Variants in BBS9 observed in about 807,000 individuals in gnomAD.
The protein encoded by BBS9 is Bardet-Biedl syndrome 9, also known as protein PTHB1.
BBS9 carries 89 observed loss-of-function variants against 117.7 expected under a neutral mutation model. The ratio of observed to expected loss-of-function variants is 0.76; its 90% CI spans 0.64 to 0.90. BBS9 has a LOEUF of 0.90. Among genes scored for constraint, BBS9 ranks in the 40% least tolerant of loss-of-function variants. The probability of loss-of-function intolerance (pLI) is 0.00; values close to 1 mark genes in which losing one functional copy is unlikely to be tolerated. For missense variants in BBS9, 982 were observed against 1,042.2 expected, an observed-to-expected ratio of 0.94 and a Z score of 0.80; for synonymous variants, 379 against 370.9, an observed-to-expected ratio of 1.02 and a Z score of -0.25.
At chr7:33,570,364 G>A (rs1402373596) in intron 21 of BBS9, among the ~76,000 whole-genome samples, 1 of 152,026 alleles carries the variant, frequency 6.6e-6, no homozygotes, top group Non-Finnish European at 1.5e-5. Flanking sequence ...ACAAATAATG[G>A]TGATATTAGA....
chr7:33,258,351 C>A (rs1472518585), intron 6 of BBS9, among the ~76,000 whole-genome samples: 2 of 152,166 alleles, frequency 1.3e-5, no homozygotes, highest in African/African-American at 4.8e-5. Context: ...CTTCATGTTT[C>A]AATGTTGTGT....
intron 9 of BBS9, among the ~76,000 whole-genome samples, chr7:33,302,534 G>T (rs1806710476): frequency 6.6e-6 from 1 of 152,090 alleles, no homozygotes; most frequent in Non-Finnish European, 1.5e-5. Flanking sequence ...TGAAGAAACT[G>T]TCCTTTCCTC....
At chr7:33,589,369 T>A (rs532789495) in intron 21 of BBS9, among the ~76,000 whole-genome samples, 1 of 152,160 alleles carries the variant, frequency 6.6e-6, no homozygotes, top group African/African-American at 2.4e-5. Flanking sequence ...TTAAAACTTG[T>A]GAATTATTTC....
chr7:33,414,219 C>G (rs1831612503), intron 19 of BBS9, among the ~76,000 whole-genome samples: 1 of 151,728 alleles, frequency 6.6e-6, no homozygotes, highest in Non-Finnish European at 1.5e-5. Flanking sequence ...CTTCATTTTT[C>G]TAAAAGAAAA....
rs780505284 is a variant in BBS9 at position 33,605,267 on chromosome 7, C to T, written c.*41C>T. 1 of 1,589,396 alleles carries T rather than the reference C, an allele frequency of 6.3e-7. No individual in the cohort carries two copies. The highest frequency in any genetic ancestry group is 8.6e-7 in the Non-Finnish European group (1 of 1,157,564). On this transcript the variant is annotated 3_prime_UTR_variant, in exon 23 of 23. Coordinates refer to ENST00000242067, the MANE Select transcript of BBS9 (RefSeq NM_198428.3). Reference sequence around the variant, plus strand: ...TTGGTTGAGAGGAACATCCCCATCTCAAGGCCGAACCTGTGTGAACCTCAT... The same window carrying T: ...TTGGTTGAGAGGAACATCCCCATCTTAAGGCCGAACCTGTGTGAACCTCAT...
chr7:33,549,702 G>C (rs1380264948), intron 21 of BBS9, among the ~76,000 whole-genome samples: 1 of 151,932 alleles, frequency 6.6e-6, no homozygotes, highest in Admixed American at 6.6e-5. Context: ...GGCCATCAGA[G>C]AAATGCAAAT....
At chr7:33,153,686 C>G (rs751355269) in intron 3 of BBS9, among the ~76,000 whole-genome samples, 2 of 152,172 alleles carry the variant, frequency 1.3e-5, no homozygotes, top group Non-Finnish European at 2.9e-5. Context: ...CAAACAACCA[C>G]TCATGAGCAT....
At chr7:33,410,095 A>T (rs895845997) in intron 19 of BBS9, among the ~76,000 whole-genome samples, 6 of 152,178 alleles carry the variant, frequency 3.9e-5, no homozygotes, top group African/African-American at 1.4e-4. Flanking sequence ...GAGCCTGGAC[A>T]ACTGGGGCCA....
intron 4 of BBS9, among the ~76,000 whole-genome samples, chr7:33,169,491 A>G (rs920897420): frequency 4.3e-4 from 65 of 150,890 alleles, no homozygotes; most frequent in African/African-American, 1.4e-3. Context: ...TGACTTTTTA[A>G]TGATTGCCAT....
intron 5 of BBS9, among the ~76,000 whole-genome samples, chr7:33,215,095 G>T (rs1386226185): frequency 1.3e-5 from 2 of 152,226 alleles, no homozygotes; most frequent in African/African-American, 4.8e-5. Flanking sequence ...GGGAGGCTGA[G>T]GCAGGAGAAT....
intron 21 of BBS9, among the ~76,000 whole-genome samples, chr7:33,577,364 G>A (rs962209674): frequency 2.6e-5 from 4 of 152,154 alleles, no homozygotes; most frequent in South Asian, 2.1e-4. Flanking sequence ...ACCATCTCAC[G>A]CCAGTTAGAA....
chr7:33,343,956 GTCT>G (rs1817051097), intron 11 of BBS9, among the ~76,000 whole-genome samples: 1 of 151,936 alleles, frequency 6.6e-6, no homozygotes, highest in African/African-American at 2.4e-5. Flanking sequence ...ATACAGGGAG[GTCT>G]TCTTCTATGC....
In BBS9 at chr7:33,186,802, TA is replaced by T. The variant is rs962240055; in HGVS notation, c.442+9218del. Among the ~76,000 whole-genome samples, 8 of 152,178 alleles carry T rather than the reference TA, an allele frequency of 5.3e-5. 1 individual carries two copies. The highest frequency in any genetic ancestry group is 5.2e-4 in the Admixed American group (8 of 15,276). On this transcript the variant is annotated intron_variant, in intron 5 of 22. Transcript: ENST00000242067. ...TGAAGGAATATGTGATTTTGGGTTC[TA>T]AAAAAATATTAGTTTATCTTTGTTT...
chr7:33,239,757 C>G (rs1794162317), intron 5 of BBS9, among the ~76,000 whole-genome samples: 1 of 151,994 alleles, frequency 6.6e-6, no homozygotes, highest in Non-Finnish European at 1.5e-5. Context: ...CATCTATAAT[C>G]CCAGTGCTTT....
At chr7:33,512,864 C>A (rs1399593929) in intron 20 of BBS9, among the ~76,000 whole-genome samples, 1 of 152,220 alleles carries the variant, frequency 6.6e-6, no homozygotes, top group African/African-American at 2.4e-5. Context: ...TCTGGAAACG[C>A]CCCTTGGCTC....
intron 21 of BBS9, among the ~76,000 whole-genome samples, chr7:33,537,064 C>T (rs2129064408): frequency 6.6e-6 from 1 of 152,112 alleles, no homozygotes; most frequent in Non-Finnish European, 1.5e-5. Flanking sequence ...TAGTTGGGAC[C>T]TTCAAAATCG....
At chr7:33,140,149 C>T (rs1014360697) in intron 1 of BBS9, among the ~76,000 whole-genome samples, 3 of 152,028 alleles carry the variant, frequency 2.0e-5, no homozygotes, top group African/African-American at 4.8e-5. Flanking sequence ...CTCAGCCTCC[C>T]GAGTAGCTGG....
At chr7:33,223,673 T>G (rs1307407440) in intron 5 of BBS9, among the ~76,000 whole-genome samples, 2 of 150,204 alleles carry the variant, frequency 1.3e-5, no homozygotes, top group Non-Finnish European at 3.0e-5. Flanking sequence ...CTTACACTTT[T>G]AAAATTTGTC....
intron 21 of BBS9, among the ~76,000 whole-genome samples, chr7:33,574,594 G>A (rs951573157): frequency 2.6e-5 from 4 of 151,622 alleles, no homozygotes; most frequent in African/African-American, 9.7e-5. Flanking sequence ...TGGTACCAGA[G>A]CCAGAGATCC....
Sources: allele counts gnomAD v4.1 joint callset (sites outside exome capture counted in the v4.1 genomes callset), GRCh38; gene constraint gnomAD v4.1.1; transcripts MANE v1.5; gene names NCBI Gene and HGNC (gene_info 2026-07-23, HGNC 2026-07-21).